Variants in NPHP4 observed in about 807,000 individuals in gnomAD.
NPHP4 encodes nephrocystin 4.
Under a neutral mutation model 155.8 loss-of-function variants are expected in NPHP4, and 151 were observed. The observed-to-expected ratio is 0.97, with a 90% CI of 0.85 to 1.11. NPHP4 has a LOEUF of 1.11. Ranked by LOEUF, NPHP4 falls within the 50% of genes least tolerant of loss-of-function variation. The probability of loss-of-function intolerance (pLI) is 0.00; values close to 1 mark genes in which losing one functional copy is unlikely to be tolerated. For synonymous variants in NPHP4, 845 were observed against 816.8 expected (o/e 1.03, Z -0.59); for missense variants, 1,956 against 1,925.7 (o/e 1.02, Z -0.29).
intron 2 of NPHP4, among the ~76,000 whole-genome samples, chr1:5,979,601 C>T (rs1570741870): frequency 6.6e-6 from 1 of 152,134 alleles, no homozygotes; most frequent in Admixed American, 6.5e-5. Context: ...CTGGCCACTG[C>T]AGCCTCCACC....
intron 1 of NPHP4, among the ~76,000 whole-genome samples, chr1:5,989,552 G>A (rs1655940486): frequency 7.3e-6 from 1 of 136,852 alleles, no homozygotes; most frequent in Non-Finnish European, 1.6e-5. Context: ...TCTTGGTACC[G>A]TCACAACTCA....
At chr1:5,907,063 C>T in intron 13 of NPHP4, 52 bp downstream of exon 13, 2 of 1,082,802 alleles carry the variant, frequency 1.8e-6, no homozygotes, top group Non-Finnish European at 2.6e-6. Context: ...AAATGAGGAG[C>T]TGTGGAGCCA....
At position 5,866,128 on chromosome 1, in the gene NPHP4, T is replaced by C. The variant is rs541494218; in HGVS notation, c.3644+245A>G. 1.1e-5 allele frequency: 6 copies of C among 551,252 alleles called. No individual in the cohort carries two copies. The African/African-American group carries it at 1.1e-4, about 10-fold the overall frequency. The allele number at this position is 551,252 out of a possible 1,614,324, so 34.1% of individuals were successfully genotyped here. On this transcript the variant is annotated intron_variant, in intron 26 of 29. Transcript: ENST00000378156. Reference sequence around the variant, plus strand: ...ATCTGGGGACAGAGGCTGACTGGTGTCTCTCCTTGGTGGCAGGAGCTGCAT... The same window carrying C: ...ATCTGGGGACAGAGGCTGACTGGTGCCTCTCCTTGGTGGCAGGAGCTGCAT...
chr1:5,903,237 TCTC>T (rs1025074940), intron 16 of NPHP4, among the ~76,000 whole-genome samples: 4 of 152,174 alleles, frequency 2.6e-5, no homozygotes, highest in Non-Finnish European at 4.4e-5. Context: ...TCCATCAAGT[TCTC>T]CTCTCTATCT....
At position 5,927,768 on chromosome 1, in the gene NPHP4, C is replaced by G. The variant is rs1226473320; in HGVS notation, c.1322G>C (p.Gly441Ala). 1 of 1,611,356 alleles carries G rather than the reference C, an allele frequency of 6.2e-7. No individual in the cohort carries two copies. Residue 441 changes from glycine to alanine, a missense_variant, in exon 11 of 30, where the codon GGT becomes GCT. By Grantham distance (60) the Gly-to-Ala change is moderately conservative (BLOSUM62 0). Coordinates refer to ENST00000378156, the MANE Select transcript of NPHP4 (RefSeq NM_015102.5). ...SSEEVKQVES[G>A]TLRFQFSLGS... is the part of the protein sequence containing the mutation. ...CAGCGAGAACTGGAACCGGAGTGTA[C>G]CCGACTCCACCTGCTTCACCTGCAA... is the stretch of plus-strand genomic sequence containing the variant.
chr1:5,922,337 T>C (rs975458390), intron 11 of NPHP4, among the ~76,000 whole-genome samples: 14 of 152,250 alleles, frequency 9.2e-5, no homozygotes, highest in Non-Finnish European at 1.2e-4. Context: ...CACTAATTTG[T>C]TGTAACAGCA....
intron 12 of NPHP4, 67 bp downstream of exon 12, chr1:5,909,085 C>A: frequency 7.7e-7 from 1 of 1,304,736 alleles, no homozygotes; most frequent in Non-Finnish European, 1.1e-6. Context: ...TAAGGGGGGA[C>A]AGAGGGTTTT....
At chr1:5,985,627 C>A (rs1655359734) in intron 2 of NPHP4, among the ~76,000 whole-genome samples, 1 of 152,204 alleles carries the variant, frequency 6.6e-6, no homozygotes, top group Non-Finnish European at 1.5e-5. Context: ...CAGAAAGAAA[C>A]CCTACCCAGA....
At chr1:5,931,733 CAAAA>C (rs60217132) in intron 10 of NPHP4, among the ~76,000 whole-genome samples, 67 of 79,310 alleles carry the variant, frequency 8.4e-4, no homozygotes, top group Middle Eastern at 8.3e-3. Context: ...GACTTCATCT[CAAAA>C]AAAAAAAAAA....
intron 7 of NPHP4, among the ~76,000 whole-genome samples, chr1:5,949,001 G>C (rs1647368158): frequency 6.6e-6 from 1 of 152,124 alleles, no homozygotes; most frequent in African/African-American, 2.4e-5. Context: ...AAGCTGAACA[G>C]ACCTAAATTC....
chr1:5,925,655 G>A (rs776789304), intron 11 of NPHP4, among the ~76,000 whole-genome samples: 4 of 151,778 alleles, frequency 2.6e-5, no homozygotes, highest in South Asian at 2.1e-4. Flanking sequence ...TTGCTCTGTC[G>A]CCCAGGCTGG....
At position 5,882,443 on chromosome 1, in the gene NPHP4, G is replaced by GC. The variant is rs1643382335; in HGVS notation, c.2486-2205_2486-2204insG. The GC allele has an allele frequency of 6.5e-6, 1 of 153,262 alleles. No individual in the cohort carries two copies. Among genetic ancestry groups the GC allele is most frequent in the Non-Finnish European group, 1.5e-5 (1 of 68,682 alleles). 9.5% of individuals were successfully genotyped at this position (153,262 alleles called of 1,614,324 possible). On this transcript the variant is annotated intron_variant, in intron 18 of 29. Transcript: ENST00000378156. This position sits in a 1 kb window ranked among gnomAD's most constrained non-coding sequence, Gnocchi z 5.1. ...CGTTCTTGCCAATGTCCCAGTAGCT[G>GC]ACACCCCCCGCCTCTTGTTCTTTCT...
chr1:5,914,396 T>A (rs948844552), intron 11 of NPHP4, among the ~76,000 whole-genome samples: 53 of 151,230 alleles, frequency 3.5e-4, no homozygotes, highest in African/African-American at 1.2e-3. Context: ...ACTACGCCAT[T>A]GCACTCCAGC....
At chr1:5,886,383 G>C (rs12735231) in intron 18 of NPHP4, 23 of 152,258 alleles carry the variant, frequency 1.5e-4, no homozygotes, top group African/African-American at 5.5e-4. Context: ...CCAGCGTCGG[G>C]TGGATGTGGC....
At position 5,885,627 on chromosome 1, in the gene NPHP4, T is replaced by C. The variant is rs116462647; in HGVS notation, c.2485+1659A>G. On this transcript the variant is annotated intron_variant, in intron 18 of 29. Transcript: ENST00000378156. ...TCCCCAGCCATGGCACAGGTTTCCT[T>C]GCGTGGCCTCAGACAGGAACATGCA... Among the ~76,000 whole-genome samples the C allele has an allele frequency of 5.8e-3, 889 of 152,272 alleles. 12 individuals are homozygous for C. Among genetic ancestry groups the C allele is most frequent in the African/African-American group, 0.019 (793 of 41,558 alleles).
At chr1:5,938,014 C>T (rs1364699340) in intron 9 of NPHP4, among the ~76,000 whole-genome samples, 4 of 152,318 alleles carry the variant, frequency 2.6e-5, no homozygotes, top group South Asian at 2.1e-4. Flanking sequence ...TGCACCAGCT[C>T]CCACCCTGTG....
chr1:5,868,876 CCA>C (rs1376873601), intron 23 of NPHP4, among the ~76,000 whole-genome samples: 1 of 138,542 alleles, frequency 7.2e-6, no homozygotes, highest in Admixed American at 7.3e-5. Flanking sequence ...ACACATGCCC[CCA>C]CACGCACACA....
At chr1:5,978,181 A>G in intron 3 of NPHP4, 89 bp downstream of exon 3, 1 of 1,267,556 alleles carries the variant, frequency 7.9e-7, no homozygotes, top group Non-Finnish European at 1.1e-6. Flanking sequence ...GGTCTCGGCA[A>G]GGCCCCAGTC....
chr1:5,927,677 A>T lies in NPHP4; in HGVS notation c.1413T>A (p.Pro471=). 6.2e-7 allele frequency: 1 copy of T among 1,612,146 alleles called. No individual in the cohort carries two copies. The change falls in exon 11 of 30, where the codon CCT becomes CCA. Residue 471 remains proline (P), a synonymous_variant. Transcript: ENST00000378156. ...PVSGPKVERR[P]SRKPPTSPSS... ...AAGGGGACGTGGGTGGTTTCCTGGA[A>T]GGCCGCCGCTCCACTTTGGGGCCAC... is the stretch of plus-strand genomic sequence containing the variant.
Sources: allele counts gnomAD v4.1 joint callset (sites outside exome capture counted in the v4.1 genomes callset), GRCh38; gene constraint gnomAD v4.1.1; non-coding constraint Gnocchi (gnomAD v3.1); transcripts MANE v1.5; gene names NCBI Gene and HGNC (gene_info 2026-07-23, HGNC 2026-07-21).